The following DLG2 variants were observed in gnomAD, a reference collection of about 807,000 sequenced individuals.
The protein encoded by DLG2 is disks large homolog 2.
DLG2 carries 45 observed loss-of-function variants against 132.5 expected under a neutral mutation model. The observed-to-expected ratio is 0.34, with a 90% confidence interval of 0.27 to 0.44. The LOEUF (loss-of-function observed/expected upper bound fraction) is 0.44, where lower values mean the gene tolerates loss of function less well. Among genes scored for constraint, DLG2 ranks in the 20% least tolerant of loss-of-function variants. The pLI, the probability that DLG2 is intolerant of heterozygous loss-of-function variation, is 1.00. For missense variants in DLG2, 1,045 were observed against 1,196.9 expected (o/e 0.87, Z 1.87); for synonymous variants, 424 against 419.6 (o/e 1.01, Z -0.13).
At chr11:84,481,857 T>C (rs1276312645) in intron 7 of DLG2, among the ~76,000 whole-genome samples, 2 of 152,202 alleles carry the variant, frequency 1.3e-5, no homozygotes, top group African/African-American at 2.4e-5. Flanking sequence ...ACATGAATGC[T>C]CCACCCAAAT....
chr11:83,965,754 G>A (rs979430431), intron 12 of DLG2, among the ~76,000 whole-genome samples: 2 of 151,820 alleles, frequency 1.3e-5, no homozygotes, highest in Non-Finnish European at 2.9e-5. Flanking sequence ...TTTTTGTTAT[G>A]CTATAGTTTC....
intron 6 of DLG2, chr11:84,546,425 T>C (rs1376490282): frequency 4.4e-6 from 1 of 227,148 alleles, no homozygotes; most frequent in African/African-American, 2.3e-5. Flanking sequence ...GAAAGAACCA[T>C]GAGCCAATTA....
At chr11:83,644,144 T>C (rs554613852) in intron 18 of DLG2, among the ~76,000 whole-genome samples, 1 of 152,290 alleles carries the variant, frequency 6.6e-6, no homozygotes, top group African/African-American at 2.4e-5. Flanking sequence ...CAACAGATAC[T>C]TTTCTTTTGC....
In DLG2 at chr11:83,775,725, T is replaced by TC. The variant is rs1294843170; in HGVS notation, c.1825+10964_1825+10965insG. On this transcript the variant is annotated intron_variant, in intron 18 of 27. Coordinates refer to ENST00000376104, the MANE Select transcript of DLG2 (RefSeq NM_001142699.3). ...AATAAGTTCATTGTCATTATTCTTTTTTTTTTTTTCAATTTGGTCTACATT... is the reference window on the plus strand; with the variant it reads ...AATAAGTTCATTGTCATTATTCTTTTCTTTTTTTTTCAATTTGGTCTACATT... Among the ~76,000 whole-genome samples the TC allele has an allele frequency of 3.3e-5, 5 of 152,044 alleles. 1 individual carries two copies. The highest frequency in any genetic ancestry group is 1.2e-4 in the African/African-American group (5 of 41,370).
chr11:83,657,601 C>T (rs11233707), intron 18 of DLG2, among the ~76,000 whole-genome samples: 1,643 of 142,120 alleles, frequency 0.012, 14 homozygotes, highest in South Asian at 0.036. Flanking sequence ...TGCAGTGGCG[C>T]GATCTCGGCT....
intron 7 of DLG2, among the ~76,000 whole-genome samples, chr11:84,378,348 G>A (rs2098737229): frequency 6.6e-6 from 1 of 152,054 alleles, no homozygotes; most frequent in South Asian, 2.1e-4. Flanking sequence ...GCCAAGAAAA[G>A]GTTCCTCACC....
chr11:84,047,282 C>T (rs1336288664), intron 11 of DLG2, among the ~76,000 whole-genome samples: 1 of 151,572 alleles, frequency 6.6e-6, no homozygotes, highest in East Asian at 1.9e-4. Flanking sequence ...TGATTGTTTT[C>T]TGTGCATATT....
intron 15 of DLG2, among the ~76,000 whole-genome samples, chr11:83,924,599 C>G (rs1426005892): frequency 6.6e-6 from 1 of 152,162 alleles, no homozygotes; most frequent in African/African-American, 2.4e-5. Context: ...TCTCCCTTCA[C>G]AATTCACTGG....
At chr11:83,688,015 GAAAA>G (rs796734283) in intron 18 of DLG2, among the ~76,000 whole-genome samples, 1 of 98,210 alleles carries the variant, frequency 1.0e-5, no homozygotes, top group Non-Finnish European at 2.2e-5. Flanking sequence ...TGTCTCAAAA[GAAAA>G]AAAAAAAAAA....
At chr11:84,339,065 G>A (rs1013868987) in intron 7 of DLG2, among the ~76,000 whole-genome samples, 2 of 152,046 alleles carry the variant, frequency 1.3e-5, no homozygotes, top group Non-Finnish European at 2.9e-5. Context: ...TCTATATCTT[G>A]AGCATGTACA....
At position 84,589,507 on chromosome 11, in the gene DLG2, G is replaced by A. The variant is rs182170021; in HGVS notation, c.358-54776C>T. On this transcript the variant is annotated intron_variant, in intron 6 of 27. Transcript: ENST00000376104. ...TTTCACAGTACTAGGGGTGGGAGGA[G>A]GAGAACAAATCCCTTATAACTAGAA... 9.9e-5 allele frequency among the ~76,000 whole-genome samples: 15 copies of A among 152,096 alleles called. No homozygotes were observed. In the East Asian group the frequency reaches 2.9e-3, roughly 29 times the overall value.
At chr11:83,695,882 T>G (rs544906217) in intron 18 of DLG2, among the ~76,000 whole-genome samples, 1 of 150,642 alleles carries the variant, frequency 6.6e-6, no homozygotes, top group African/African-American at 2.4e-5. Context: ...CACCGTGATG[T>G]GAAACAACCT....
At chr11:83,925,382 T>C (rs1384222657) in intron 15 of DLG2, among the ~76,000 whole-genome samples, 2 of 152,170 alleles carry the variant, frequency 1.3e-5, no homozygotes, top group African/African-American at 2.4e-5. Context: ...TTTGCTCAAA[T>C]AAACTCTGTT....
chr11:85,368,942 T>A (rs1223775807), intron 3 of DLG2, among the ~76,000 whole-genome samples: 2 of 152,216 alleles, frequency 1.3e-5, no homozygotes, highest in Non-Finnish European at 2.9e-5. Context: ...GTGGAGGTAC[T>A]CTGGATTTGC....
chr11:83,741,281 A>G (rs1289593077), intron 18 of DLG2, among the ~76,000 whole-genome samples: 1 of 152,166 alleles, frequency 6.6e-6, no homozygotes, highest in Non-Finnish European at 1.5e-5. Context: ...CCTATTCAAC[A>G]TAGTACTGGA....
At position 83,963,034 on chromosome 11, in the gene DLG2, G is replaced by C; in HGVS notation, c.1202-11C>G. The C allele has an allele frequency of 3.7e-6, 6 of 1,611,612 alleles. No individual in the cohort carries two copies. The highest frequency in any genetic ancestry group is 5.1e-6 in the Non-Finnish European group (6 of 1,178,202). On this transcript the variant is annotated splice_polypyrimidine_tract_variant and intron_variant, in intron 13 of 27. Transcript: ENST00000376104. ...TTGGTGGAGAATAAGCTAAGAGGTG[G>C]GGGAAAAAGAGAAAAGAAACCTGTT...
chr11:85,282,801 G>A (rs560831474), intron 4 of DLG2, among the ~76,000 whole-genome samples: 1 of 152,068 alleles, frequency 6.6e-6, no homozygotes, highest in South Asian at 2.1e-4. Context: ...GTTCATTGCA[G>A]CACTATTCAC....
intron 20 of DLG2, among the ~76,000 whole-genome samples, chr11:83,536,327 T>C (rs941677076): frequency 9.8e-5 from 15 of 152,300 alleles, no homozygotes; most frequent in Non-Finnish European, 2.1e-4. Flanking sequence ...TTTGAGTTGA[T>C]CCATCTCCTC....
chr11:84,976,945 G>A (rs918226712), intron 6 of DLG2, among the ~76,000 whole-genome samples: 3 of 152,076 alleles, frequency 2.0e-5, no homozygotes, highest in Non-Finnish European at 4.4e-5. Context: ...TTTCCATCCA[G>A]TCTATAAGAA....
Sources: allele counts gnomAD v4.1 joint callset (sites outside exome capture counted in the v4.1 genomes callset), GRCh38; gene constraint gnomAD v4.1.1; transcripts MANE v1.5; gene names NCBI Gene and HGNC (gene_info 2026-07-23, HGNC 2026-07-21).